The following CHM variants were observed in gnomAD, a reference collection of about 807,000 sequenced individuals.
CHM encodes CHM Rab escort protein.
Under a neutral mutation model 49.0 loss-of-function variants are expected in CHM, and 10 were observed. That is an observed-to-expected ratio of 0.20 (90% confidence interval 0.13 to 0.35). The LOEUF (loss-of-function observed/expected upper bound fraction) is 0.35. CHM is among the 10% of genes least tolerant of loss of function. The probability of loss-of-function intolerance (pLI) is 1.00; values close to 1 mark genes in which losing one functional copy is unlikely to be tolerated. For missense variants in CHM, 455 were observed against 478.4 expected (o/e 0.95, Z 0.46); for synonymous variants, 184 against 167.5 (o/e 1.10, Z -0.76).
chrX:85,904,547 T>C (rs1926477279), intron 9 of CHM, among the ~76,000 whole-genome samples: 1 of 111,841 alleles, frequency 8.9e-6, no homozygotes, highest in South Asian at 3.7e-4. Context: ...ACTAATTTTA[T>C]GATAAAGAAA....
intron 12 of CHM, among the ~76,000 whole-genome samples, chrX:85,892,404 G>A (rs1413649969): frequency 9.1e-6 from 1 of 110,414 alleles, no homozygotes; most frequent in African/African-American, 3.3e-5. Flanking sequence ...GAATCATGGG[G>A]GCCGGTCTTT....
chrX:85,946,507 G>A (rs889465523), intron 8 of CHM, among the ~76,000 whole-genome samples: 12 of 112,084 alleles, frequency 1.1e-4, no homozygotes, highest in African/African-American at 3.2e-4. Flanking sequence ...CTACTTCAGA[G>A]GGTGTAAGCC....
intron 2 of CHM, among the ~76,000 whole-genome samples, chrX:86,020,317 T>C (rs1188588358): frequency 1.8e-5 from 2 of 110,789 alleles, no homozygotes; most frequent in Admixed American, 1.9e-4. Flanking sequence ...ACTATTCTTA[T>C]CTAATAGTAG....
Position 85,862,144 on chromosome X carries a change from A to T in CHM, c.*2486T>A, listed in dbSNP as rs375821068. 49 of 112,094 alleles carry T rather than the reference A, an allele frequency of 4.4e-4. No homozygotes were observed. The highest frequency in any genetic ancestry group is 1.5e-3 in the South Asian group (4 of 2,686). 9.2% of individuals were successfully genotyped at this position (112,094 alleles called of 1,213,427 possible). A position where few individuals can be genotyped will look rare whatever the true frequency, so the allele number is the denominator to read the frequency against. ...ACATTTCAATCATATTTAATAAATG[A>T]CCTGAAAGAGAGATTCTGATGCTAA... On this transcript the variant is annotated 3_prime_UTR_variant, in exon 15 of 15. Transcript: ENST00000357749.
At chrX:86,025,726 G>T (rs12397832) in intron 2 of CHM, among the ~76,000 whole-genome samples, 1 of 98,206 alleles carries the variant, frequency 1.0e-5, no homozygotes, top group Non-Finnish European at 2.1e-5. Flanking sequence ...AAAAGAAAAA[G>T]AAAAAAAAAA....
intron 4 of CHM, chrX:85,970,422 C>T (rs1386089796): frequency 6.7e-6 from 5 of 751,626 alleles, no homozygotes; most frequent in Non-Finnish European, 7.8e-6. Context: ...AAAGGAAATA[C>T]TTAATTCACT....
intron 7 of CHM, 150 bp from the exon 8 acceptor site, chrX:85,956,528 A>C: frequency 1.3e-6 from 1 of 778,681 alleles, no homozygotes; most frequent in Non-Finnish European, 1.8e-6. Context: ...ATCTTAGGAA[A>C]AAATGGAAAC....
rs1345140426 is a variant in CHM, at chrX:85,873,091, G to A, written c.1731C>T (p.Gly577=). The stretch of plus-strand genomic sequence containing the variant: ...TATCATTTCCTAAACCACAATCTGG[G>A]CCAGAGCAGACATAAACGTTGGATG... ...DLPSNVYVCS[G]PDCGLGNDNA... Residue 577 remains glycine (G), a synonymous_variant, in exon 14 of 15, where the codon GGC becomes GGT. Transcript: ENST00000357749. The A allele has an allele frequency of 6.6e-6, 8 of 1,207,958 alleles. No individual in the cohort carries two copies. The highest frequency in any genetic ancestry group is 7.8e-6 in the Non-Finnish European group (7 of 892,851).
At chrX:86,024,712 A>G (rs907399680) in intron 2 of CHM, among the ~76,000 whole-genome samples, 4 of 112,561 alleles carry the variant, frequency 3.6e-5, no homozygotes, top group Non-Finnish European at 3.8e-5. Context: ...TTTTCAAAGT[A>G]TGTATCATAG....
chrX:85,911,524 G>A lies in CHM; in HGVS notation c.1167-186C>T, dbSNP rs144743553. Among the ~76,000 whole-genome samples the A allele has an allele frequency of 3.6e-3, 394 of 108,511 alleles. 2 individuals are homozygous for A. Among genetic ancestry groups the A allele is most frequent in the Non-Finnish European group, 5.8e-3 (304 of 52,440 alleles). 94.2% of individuals were successfully genotyped at this position (108,511 alleles called of 115,157 possible). A position where few individuals can be genotyped will look rare whatever the true frequency, so the allele number is the denominator to read the frequency against. ...GCAAGATTAGTAATATCTTGACACA[G>A]TAGAGGTGTTACTGATAATAATACA... is the stretch of plus-strand genomic sequence containing the variant. On this transcript the variant is annotated intron_variant, in intron 8 of 14. Transcript: ENST00000357749.
At position 85,908,658 on chromosome X, in the gene CHM, C is replaced by T. The variant is rs114930226; in HGVS notation, c.1244+2603G>A. ...ATAATTATAGCTTAGAATAAATTTT[C>T]CAGGAAGAGATTCATATACAGAATC... On this transcript the variant is annotated intron_variant, in intron 9 of 14. Transcript: ENST00000357749. Among the ~76,000 whole-genome samples the T allele has an allele frequency of 6.7e-3, 748 of 110,841 alleles. 4 individuals are homozygous for T. The highest frequency in any genetic ancestry group is 0.023 in the African/African-American group (690 of 30,555).
chrX:86,031,606 C>T (rs1378607630), intron 1 of CHM, among the ~76,000 whole-genome samples: 2 of 112,501 alleles, frequency 1.8e-5, no homozygotes, highest in Non-Finnish European at 3.8e-5. Flanking sequence ...TTTGGGAGGC[C>T]GAGGTGGGCA....
intron 2 of CHM, among the ~76,000 whole-genome samples, chrX:86,001,270 C>T (rs1183280633): frequency 2.7e-5 from 3 of 110,025 alleles, no homozygotes; most frequent in Non-Finnish European, 1.9e-5. Flanking sequence ...TGAATGTTTA[C>T]ATTTTGTTCA....
At chrX:85,893,075 A>G (rs1213780401) in intron 12 of CHM, among the ~76,000 whole-genome samples, 1 of 111,635 alleles carries the variant, frequency 9.0e-6, no homozygotes, top group African/African-American at 3.3e-5. Context: ...TGGTAAGGGA[A>G]TATCTTATTC....
intron 2 of CHM, 75 bp downstream of exon 2, chrX:86,027,416 A>AT (rs1933872175): frequency 1.3e-6 from 1 of 792,462 alleles, no homozygotes; most frequent in African/African-American, 2.0e-5. Flanking sequence ...GTACAGACAT[A>AT]TATGTGTTTA....
At chrX:85,883,293 CAT>C (rs1019579074) in intron 12 of CHM, among the ~76,000 whole-genome samples, 1 of 111,132 alleles carries the variant, frequency 9.0e-6, no homozygotes, top group African/African-American at 3.3e-5. Flanking sequence ...AATTAATTTA[CAT>C]AGAGATCAAT....
rs1045622824 is a variant in CHM at position 85,906,993 on chromosome X, G to A, written c.1244+4268C>T. 4.5e-5 allele frequency among the ~76,000 whole-genome samples: 5 copies of A among 111,025 alleles called. 1 individual carries two copies. The highest frequency in any genetic ancestry group is 3.8e-4 in the Admixed American group (4 of 10,424). ...CTAAAAATACAAAAATTAGCCAAGC[G>A]TGGTCACGGGCCTGTAATCCCAGCT... On this transcript the variant is annotated intron_variant, in intron 9 of 14. Coordinates refer to ENST00000357749, the MANE Select transcript of CHM (RefSeq NM_000390.4).
rs1242289561 is a variant in CHM at position 86,025,759 on chromosome X, A to G, written c.116+1732T>C. Among the ~76,000 whole-genome samples the G allele has an allele frequency of 4.5e-5, 5 of 111,218 alleles. No homozygotes were observed. In the South Asian group the frequency reaches 1.1e-3, roughly 25 times the overall value. Reference sequence around the variant, plus strand: ...AAACACATACCTACACACAAAGTAAATCTGAAACTAAAATTATACATGTTA... The same window carrying G: ...AAACACATACCTACACACAAAGTAAGTCTGAAACTAAAATTATACATGTTA... On this transcript the variant is annotated intron_variant, in intron 2 of 14. Coordinates refer to ENST00000357749, the MANE Select transcript of CHM (RefSeq NM_000390.4).
At chrX:86,029,082 T>A (rs1933948864) in intron 1 of CHM, among the ~76,000 whole-genome samples, 1 of 112,133 alleles carries the variant, frequency 8.9e-6, no homozygotes. Context: ...TAATGCTTGG[T>A]TCAAAACAAA....
Sources: gnomAD v4.1 joint callset for allele counts (sites outside exome capture counted in the v4.1 genomes callset) on GRCh38, gnomAD v4.1.1 for gene constraint, MANE v1.5 for transcripts, NCBI Gene and HGNC (gene_info 2026-07-23, HGNC 2026-07-21) for gene names.